The following DEF6 variants were observed in gnomAD, a reference collection of about 807,000 sequenced individuals.
DEF6 encodes the protein DEF6 guanine nucleotide exchange factor, also known as differentially expressed in FDCP 6 homolog.
A neutral mutation model predicts 80.5 loss-of-function variants in DEF6; 32 were observed. The observed-to-expected ratio is 0.40, with a 90% confidence interval of 0.30 to 0.53. DEF6 has a LOEUF of 0.53. DEF6 is among the 20% of genes least tolerant of loss of function. The probability of loss-of-function intolerance (pLI) is 0.57; values close to 1 mark genes in which losing one functional copy is unlikely to be tolerated. For synonymous variants in DEF6, 300 were observed against 337.9 expected (o/e 0.89, Z 1.23); for missense variants, 575 against 818.7 (o/e 0.70, Z 3.63).
At chr6:35,305,444 C>T (rs1204580943) in intron 1 of DEF6, among the ~76,000 whole-genome samples, 2 of 152,078 alleles carry the variant, frequency 1.3e-5, no homozygotes, top group Admixed American at 6.5e-5. Context: ...GAGCAGAAAT[C>T]GTGACACTGC....
At position 35,318,007 on chromosome 6, in the gene DEF6, C is replaced by T; in HGVS notation, c.916+8C>T. The T allele has an allele frequency of 6.2e-7, 1 of 1,610,424 alleles. No individual in the cohort carries two copies. The highest frequency in any genetic ancestry group is 1.3e-5 in the African/African-American group (1 of 74,984). On this transcript the variant is annotated splice_region_variant and intron_variant, in intron 6 of 10. Transcript: ENST00000316637. This position sits in a 1 kb window ranked among gnomAD's most constrained non-coding sequence, Gnocchi z 5.1. ...GCCAGGAGTGGACAGCTGGTGAGTG[C>T]TCGCTAGGTGGCTTGGGTCTGGGTG... is the stretch of plus-strand genomic sequence containing the variant.
Position 35,318,389 on chromosome 6 carries a change from T to C in DEF6, c.1133T>C (p.Leu378Pro), listed in dbSNP as rs1248488863. ...GCGCAGCGGCAGGCCGAGCGGCTGC[T>C]GCAGGAGGAGGAGGAACGGCGCCGC... Reference protein sequence around the residue: ...QEAQRQAERLLQEEEERRRSQ... With the variant: ...QEAQRQAERLPQEEEERRRSQ... Residue 378 changes from leucine (L) to proline (P), a missense_variant, in exon 7 of 11, where the codon CTG becomes CCG. Coordinates refer to ENST00000316637, the MANE Select transcript of DEF6 (RefSeq NM_022047.4). This position sits in a 1 kb window ranked among gnomAD's most constrained non-coding sequence, Gnocchi z 5.1. 2 of 1,535,012 alleles carry C rather than the reference T, an allele frequency of 1.3e-6. No homozygotes were observed. Among genetic ancestry groups the C allele is most frequent in the South Asian group, 1.2e-5 (1 of 83,758 alleles).
Position 35,312,546 on chromosome 6 carries a change from A to C in DEF6, c.660+8A>C. On this transcript the variant is annotated splice_region_variant and intron_variant, in intron 4 of 10. Transcript: ENST00000316637. The surrounding 1 kb of genome is among the most constrained non-coding windows in gnomAD (Gnocchi z 6.6). Reference sequence around the variant, plus strand: ...CAAGATGTCCTGAAGCAGGTCAGGCAAGCTGGGAACTAGGGGAAGCACACA... The same window carrying C: ...CAAGATGTCCTGAAGCAGGTCAGGCCAGCTGGGAACTAGGGGAAGCACACA... 1 of 1,614,050 alleles carries C rather than the reference A, an allele frequency of 6.2e-7. No individual in the cohort carries two copies. Among genetic ancestry groups the C allele is most frequent in the Non-Finnish European group, 8.5e-7 (1 of 1,179,942 alleles).
At chr6:35,311,997 T>C (rs1043064999) in intron 3 of DEF6, among the ~76,000 whole-genome samples, 36 of 152,162 alleles carry the variant, frequency 2.4e-4, no homozygotes, top group African/African-American at 8.2e-4. Context: ...CCTTGACACT[T>C]TCTGTGATTT....
At chr6:35,304,614 G>T (rs1791367300) in intron 1 of DEF6, among the ~76,000 whole-genome samples, 1 of 152,172 alleles carries the variant, frequency 6.6e-6, no homozygotes, top group Non-Finnish European at 1.5e-5. Flanking sequence ...CCTGTGGAAG[G>T]ACTCGAACTT....
At chr6:35,303,061 C>A in intron 1 of DEF6, among the ~76,000 whole-genome samples, 1 of 152,180 alleles carries the variant, frequency 6.6e-6, no homozygotes, top group East Asian at 1.9e-4. Context: ...CTCTCCACCC[C>A]CAACCCCTAC....
In DEF6 at chr6:35,309,708, C is replaced by G; in HGVS notation, c.135C>G (p.Pro45=). Residue 45 remains proline, a synonymous_variant, in exon 2 of 11, where the codon CCC becomes CCG. Transcript: ENST00000316637. ...ACCTGTACACGGTCCTGCACATCCC[C>G]CATGACCCCGTGGCCCTGGAGGAAC... ...SHNLYTVLHI[P]HDPVALEEHF... is the part of the protein sequence containing the mutation. 2.5e-6 allele frequency: 4 copies of G among 1,614,026 alleles called. No homozygotes were observed. The highest frequency in any genetic ancestry group is 3.4e-6 in the Non-Finnish European group (4 of 1,179,996).
At chr6:35,298,077 G>A in intron 1 of DEF6, 125 bp downstream of exon 1, 2 of 865,352 alleles carry the variant, frequency 2.3e-6, no homozygotes, top group Non-Finnish European at 3.6e-6. Context: ...CCCGGGCCTG[G>A]GGTCGGGGGG....
intron 1 of DEF6, among the ~76,000 whole-genome samples, chr6:35,299,090 G>C (rs1447336384): frequency 6.6e-6 from 1 of 152,030 alleles, no homozygotes. Flanking sequence ...TCCCAAACTG[G>C]TCCTATGTTA....
chr6:35,306,468 G>T (rs138225329), intron 1 of DEF6, among the ~76,000 whole-genome samples: 1 of 151,086 alleles, frequency 6.6e-6, no homozygotes, highest in African/African-American at 2.4e-5. Flanking sequence ...CCGAGATCAC[G>T]CCATTGCACT....
chr6:35,314,078 C>T (rs1315600374), intron 5 of DEF6, among the ~76,000 whole-genome samples: 1 of 152,150 alleles, frequency 6.6e-6, no homozygotes, highest in Non-Finnish European at 1.5e-5. Context: ...TCAGGGTTCC[C>T]CTTTCTCCAC....
chr6:35,300,268 C>T (rs984700898), intron 1 of DEF6, among the ~76,000 whole-genome samples: 5 of 152,130 alleles, frequency 3.3e-5, no homozygotes, highest in Non-Finnish European at 5.9e-5. Context: ...CTCAAGTGAT[C>T]CTCTGGCTTC....
In DEF6 at chr6:35,318,118, G is replaced by A. The variant is rs1283330064; in HGVS notation, c.917-55G>A. The A allele has an allele frequency of 6.5e-7, 1 of 1,535,862 alleles. No homozygotes were observed. The highest frequency in any genetic ancestry group is 8.8e-7 in the Non-Finnish European group (1 of 1,142,282). On this transcript the variant is annotated intron_variant, in intron 6 of 10. Coordinates refer to ENST00000316637, the MANE Select transcript of DEF6 (RefSeq NM_022047.4). The surrounding 1 kb of genome is among the most constrained non-coding windows in gnomAD (Gnocchi z 5.1). Reference sequence around the variant, plus strand: ...AGAGTGGACTCGGGAAACTCCTAAGGCCCCTTTCGGGCCGTGTGCGAGGAT... The same window carrying A: ...AGAGTGGACTCGGGAAACTCCTAAGACCCCTTTCGGGCCGTGTGCGAGGAT...
rs1791569561 is a variant in DEF6, at chr6:35,319,945, C to T, written c.1509C>T (p.Arg503=). ...ELQQEMAQQS[R]SLQQAQQQLE... ...AGCAGGAGATGGCACAGCAGAGCCGCTCCCTGCAGCAGGCCCAGCAGCAGC... is the reference window on the plus strand; with the variant it reads ...AGCAGGAGATGGCACAGCAGAGCCGTTCCCTGCAGCAGGCCCAGCAGCAGC... The change falls in exon 9 of 11, where the codon CGC becomes CGT. Residue 503 remains arginine, a synonymous_variant. Transcript: ENST00000316637. The surrounding 1 kb of genome is among the most constrained non-coding windows in gnomAD (Gnocchi z 4.5). 1 of 1,567,294 alleles carries T rather than the reference C, an allele frequency of 6.4e-7. No individual in the cohort carries two copies. The highest frequency in any genetic ancestry group is 1.3e-5 in the African/African-American group (1 of 74,274).
At chr6:35,320,435 C>T (rs553189796) in intron 9 of DEF6, among the ~76,000 whole-genome samples, 36 of 152,202 alleles carry the variant, frequency 2.4e-4, no homozygotes, top group Non-Finnish European at 4.4e-4. Flanking sequence ...CATGATCCCC[C>T]CCACCTCACA....
Position 35,319,924 on chromosome 6 carries a change from G to A in DEF6, c.1488G>A (p.Gln496=), listed in dbSNP as rs1582235206. 1.9e-6 allele frequency: 3 copies of A among 1,570,588 alleles called. No individual in the cohort carries two copies. The highest frequency in any genetic ancestry group is 2.3e-5 in the East Asian group (1 of 42,944). ...AGCAGGAGAAGGAAGAGCTGCAGCAGGAGATGGCACAGCAGAGCCGCTCCC... is the reference window on the plus strand; with the variant it reads ...AGCAGGAGAAGGAAGAGCTGCAGCAAGAGATGGCACAGCAGAGCCGCTCCC... ...RAQQEKEELQ[Q]EMAQQSRSLQ... is the part of the protein sequence containing the mutation. The change falls in exon 9 of 11, where the codon CAG becomes CAA. Residue 496 remains glutamine, a synonymous_variant. Transcript: ENST00000316637. The surrounding 1 kb of genome is among the most constrained non-coding windows in gnomAD (Gnocchi z 4.5).
At chr6:35,317,865 G>A in intron 5 of DEF6, 26 bp from the exon 6 acceptor site, 1 of 1,604,428 alleles carries the variant, frequency 6.2e-7, no homozygotes, top group Non-Finnish European at 8.5e-7. Context: ...AGGCCAGCCT[G>A]GCTGCGGCCA....
rs377677315 is a variant in DEF6 at position 35,310,701 on chromosome 6, C to T, written c.423+57C>T. ...CACTTGGGACCAGACCTAAGCAAAA[C>T]CATGAATGAGACCAAACCACCTTTG... On this transcript the variant is annotated intron_variant, in intron 3 of 10. Coordinates refer to ENST00000316637, the MANE Select transcript of DEF6 (RefSeq NM_022047.4). 4.4e-6 allele frequency: 7 copies of T among 1,593,348 alleles called. No individual in the cohort carries two copies. The African/African-American group carries it at 8.1e-5, about 18-fold the overall frequency.
chr6:35,317,074 T>C (rs1164962011), intron 5 of DEF6, among the ~76,000 whole-genome samples: 1 of 152,254 alleles, frequency 6.6e-6, no homozygotes. Flanking sequence ...CTGGATAATA[T>C]CCCTAACAGT....
Sources: gnomAD v4.1 joint callset for allele counts (sites outside exome capture counted in the v4.1 genomes callset) on GRCh38, gnomAD v4.1.1 for gene constraint, Gnocchi (gnomAD v3.1) non-coding constraint, MANE v1.5 for transcripts, NCBI Gene and HGNC (gene_info 2026-07-23, HGNC 2026-07-21) for gene names.